EIF2D: variants seen among roughly 807,000 people sequenced by gnomAD.
The protein encoded by EIF2D is hepatocellular carcinoma-associated antigen 56.
EIF2D carries 56 observed loss-of-function variants against 77.4 expected under a neutral mutation model. The ratio of observed to expected loss-of-function variants is 0.72; its 90% CI spans 0.58 to 0.90. The LOEUF is 0.90. Ranked by LOEUF, EIF2D falls within the 40% of genes least tolerant of loss-of-function variation. EIF2D has a pLI of 0.00. For synonymous variants in EIF2D, 230 were observed against 271.0 expected (o/e 0.85, Z 1.49); for missense variants, 574 against 706.5 (o/e 0.81, Z 2.13).
intron 13 of EIF2D, 154 bp downstream of exon 13, chr1:206,595,564 G>A (rs1366620601): frequency 1.1e-6 from 1 of 902,274 alleles, no homozygotes; most frequent in Non-Finnish European, 1.6e-6. Flanking sequence ...GTTTCATACA[G>A]AGCCCAGCCC....
chr1:206,576,671 A>G (rs1362314611), intron 4 of EIF2D, among the ~76,000 whole-genome samples: 2 of 152,258 alleles, frequency 1.3e-5, no homozygotes, highest in African/African-American at 4.8e-5. Context: ...AGAGATGGCT[A>G]TAGACTGGAG....
chr1:206,589,758 C>T (rs1669282561), downstream of EIF2D, among the ~76,000 whole-genome samples: 1 of 152,188 alleles, frequency 6.6e-6, no homozygotes, highest in South Asian at 2.1e-4. Flanking sequence ...CTCTGACTTT[C>T]ATCAAAGGAA....
In EIF2D at chr1:206,599,579, C is replaced by T. The variant is rs200901460; in HGVS notation, c.1086G>A (p.Pro362=). ...ITSFVIPEPS[P]TSQTIQEGSR... ...TACCCTCCTGGATAGTCTGGGAGGT[C>T]GGGGAGGGCTCGGGTATGACGAAAG... The change falls in exon 10 of 15, where the codon CCG becomes CCA. Residue 362 remains proline (P), a synonymous_variant. Transcript: ENST00000271764. The surrounding 1 kb of genome is among the most constrained non-coding windows in gnomAD (Gnocchi z 4.1). The T allele has an allele frequency of 3.4e-5, 54 of 1,602,100 alleles. No individual in the cohort carries two copies. Among genetic ancestry groups the T allele is most frequent in the Non-Finnish European group, 3.5e-5 (41 of 1,174,184 alleles).
chr1:206,571,542 C>T (rs1269447729), intron 5 of EIF2D: 4 of 152,164 alleles, frequency 2.6e-5, no homozygotes, highest in African/African-American at 9.7e-5. Flanking sequence ...GTGGTGTGCT[C>T]ATAGTCTAAT....
chr1:206,590,051 C>CAA (rs1316754975), downstream of EIF2D, among the ~76,000 whole-genome samples: 1 of 152,196 alleles, frequency 6.6e-6, no homozygotes, highest in Non-Finnish European at 1.5e-5. Flanking sequence ...TTAATAAATT[C>CAA]AAAGTTGTAC....
In EIF2D at chr1:206,612,462, A is replaced by AAGGGCCCGGCTGGAAACC; in HGVS notation, c.-121_-120insGGTTTCCAGCCGGGCCCT. 1.5e-6 allele frequency: 2 copies of AAGGGCCCGGCTGGAAACC among 1,328,728 alleles called. No homozygotes were observed. Among genetic ancestry groups the AAGGGCCCGGCTGGAAACC allele is most frequent in the South Asian group, 1.2e-5 (1 of 83,806 alleles). The allele number at this position is 1,328,728 out of a possible 1,614,324, so 82.3% of individuals were successfully genotyped here. On this transcript the variant is annotated 5_prime_UTR_variant, in exon 1 of 15. Coordinates refer to ENST00000271764, the MANE Select transcript of EIF2D (RefSeq NM_006893.3). ...AGCCATGCTGGGGCCCGGCCGCGAA[A>AAGGGCCCGGCTGGAAACC]AGGGCCCGGCTGGAAACCAGGGCCG...
Position 206,602,404 on chromosome 1 carries a change from G to A in EIF2D, c.834C>T (p.Cys278=). The A allele has an allele frequency of 6.2e-7, 1 of 1,614,208 alleles. No homozygotes were observed. The highest frequency in any genetic ancestry group is 8.5e-7 in the Non-Finnish European group (1 of 1,180,032). ...LQQCFLHALK[C]RVKKADLPLL... ...AAGGGAGGTCAGCCTTTTTGACTCGGCACTTCAAGGCATGTAAGAAGCATT... is the reference window on the plus strand; with the variant it reads ...AAGGGAGGTCAGCCTTTTTGACTCGACACTTCAAGGCATGTAAGAAGCATT... Residue 278 remains cysteine (C), a synonymous_variant, in exon 7 of 15, where the codon TGC becomes TGT. Transcript: ENST00000271764.
intron 4 of EIF2D, among the ~76,000 whole-genome samples, chr1:206,578,233 A>AAGTGTGTGT (rs1444904780): frequency 2.6e-5 from 3 of 117,494 alleles, no homozygotes; most frequent in Admixed American, 2.5e-4. Flanking sequence ...AAAAAAAAAA[A>AAGTGTGTGT]GTGTGTGTGT....
At chr1:206,583,176 C>T in intron 2 of EIF2D, 1 of 819,986 alleles carries the variant, frequency 1.2e-6, no homozygotes, top group Non-Finnish European at 2.1e-6. Context: ...ATGCTCACTT[C>T]TTGGTTAGAG....
In EIF2D at chr1:206,576,260, A is replaced by G. The variant is rs182618365; in HGVS notation, c.*255-3561T>C. On this transcript the variant is annotated intron_variant and NMD_transcript_variant, in intron 4 of 5. Transcript: ENST00000472709. Reference sequence around the variant, plus strand: ...GGATTTAACATTAGCCAGCAGCTGCAGAGATCTGTGACGATGGTAATTTGT... The same window carrying G: ...GGATTTAACATTAGCCAGCAGCTGCGGAGATCTGTGACGATGGTAATTTGT... Among the ~76,000 whole-genome samples the G allele has an allele frequency of 7.2e-5, 11 of 152,342 alleles. 1 individual carries two copies. The East Asian group carries it at 1.9e-3, about 27-fold the overall frequency.
chr1:206,600,796 C>T (rs782583729), intron 7 of EIF2D: 2 of 155,114 alleles, frequency 1.3e-5, no homozygotes, highest in African/African-American at 2.4e-5. Flanking sequence ...CCCAGCAAGC[C>T]GCATCCTGGG....
At chr1:206,610,534 T>C (rs1214028152) in intron 2 of EIF2D, among the ~76,000 whole-genome samples, 2 of 151,456 alleles carry the variant, frequency 1.3e-5, no homozygotes, top group African/African-American at 4.9e-5. Flanking sequence ...AATATATATA[T>C]TTTTGGCCAG....
intron 4 of EIF2D, among the ~76,000 whole-genome samples, chr1:206,572,985 T>A (rs1553404499): frequency 6.6e-6 from 1 of 151,946 alleles, no homozygotes; most frequent in East Asian, 1.9e-4. Flanking sequence ...AATGGAAAAA[T>A]TTGGACAAAT....
At position 206,599,700 on chromosome 1, in the gene EIF2D, G is replaced by T. The variant is rs577188324; in HGVS notation, c.1052+33C>A. 1.1e-4 allele frequency: 185 copies of T among 1,613,252 alleles called. 4 individuals are homozygous for T. The Middle Eastern group carries it at 1.8e-3, about 16-fold the overall frequency. On this transcript the variant is annotated intron_variant, in intron 9 of 14. Coordinates refer to ENST00000271764, the MANE Select transcript of EIF2D (RefSeq NM_006893.3). The surrounding 1 kb of genome is among the most constrained non-coding windows in gnomAD (Gnocchi z 4.1). The stretch of plus-strand genomic sequence containing the variant: ...CCGTGGCCCAGGTGCCCTGGGGCCA[G>T]CTGGGCTACAGTGACAGGCCCCCTG...
downstream of EIF2D, among the ~76,000 whole-genome samples, chr1:206,590,801 CAAGT>C (rs1270951345): frequency 6.6e-6 from 1 of 152,086 alleles, no homozygotes; most frequent in Non-Finnish European, 1.5e-5. Flanking sequence ...GAGAAAGAAA[CAAGT>C]AAACTGAAGT....
At chr1:206,611,519 C>A in intron 1 of EIF2D, 145 bp from the exon 2 acceptor site, 1 of 620,756 alleles carries the variant, frequency 1.6e-6, no homozygotes. Flanking sequence ...CACACACACT[C>A]TTCTGAAACA....
At chr1:206,590,461 C>CCA (rs1553408742), downstream of EIF2D, among the ~76,000 whole-genome samples, 1 of 152,196 alleles carries the variant, frequency 6.6e-6, no homozygotes, top group Non-Finnish European at 1.5e-5. Context: ...ACATAAGGAA[C>CCA]CATAGTTCAT....
intron 11 of EIF2D, 33 bp downstream of exon 11, chr1:206,598,970 A>G (rs535252425): frequency 1.7e-5 from 27 of 1,606,730 alleles, no homozygotes; most frequent in South Asian, 5.5e-5. Flanking sequence ...CAAAGACCCA[A>G]TAAGACAGAT....
intron 2 of EIF2D, among the ~76,000 whole-genome samples, 189 bp from the exon 3 acceptor site, chr1:206,609,648 G>T (rs1670374248): frequency 6.6e-6 from 1 of 152,224 alleles, no homozygotes; most frequent in Non-Finnish European, 1.5e-5. Context: ...CTAAGAAACT[G>T]AGTGTCACTT....
Sources: allele counts gnomAD v4.1 joint callset (sites outside exome capture counted in the v4.1 genomes callset), GRCh38; gene constraint gnomAD v4.1.1; non-coding constraint Gnocchi (gnomAD v3.1); transcripts MANE v1.5; gene names NCBI Gene and HGNC (gene_info 2026-07-23, HGNC 2026-07-21).